CPED1: variants seen among roughly 807,000 people sequenced by gnomAD.
The protein encoded by CPED1 is cadherin like and PC-esterase domain containing 1.
CPED1 carries 114 observed loss-of-function variants against 128.2 expected under a neutral mutation model. The ratio of observed to expected loss-of-function variants is 0.89; its 90% CI spans 0.76 to 1.04. The LOEUF is 1.04. Among genes scored for constraint, CPED1 ranks in the 50% least tolerant of loss-of-function variants. CPED1 has a pLI of 0.00. For missense variants in CPED1, 1,211 were observed against 1,207.1 expected (o/e 1.00, Z -0.05); for synonymous variants, 462 against 426.7 (o/e 1.08, Z -1.02).
intron 14 of CPED1, 95 bp downstream of exon 14, chr7:121,136,185 T>G: frequency 8.6e-7 from 1 of 1,168,520 alleles, no homozygotes; most frequent in Non-Finnish European, 1.2e-6. Flanking sequence ...TATGTGGGTA[T>G]CTTACGCTGA....
chr7:121,227,841 T>C (rs929630150), intron 16 of CPED1, among the ~76,000 whole-genome samples: 1 of 152,206 alleles, frequency 6.6e-6, no homozygotes, highest in East Asian at 1.9e-4. Flanking sequence ...CTTGAGGAGC[T>C]TGACAAATCT....
intron 3 of CPED1, among the ~76,000 whole-genome samples, chr7:121,032,735 AAAC>A (rs1456378008): frequency 2.0e-5 from 3 of 152,256 alleles, no homozygotes; most frequent in African/African-American, 4.8e-5. Context: ...AGGAAAAAAA[AAAC>A]AACACTTCTT....
At chr7:121,140,040 A>G (rs531347691) in intron 14 of CPED1, among the ~76,000 whole-genome samples, 34 of 152,214 alleles carry the variant, frequency 2.2e-4, no homozygotes, top group Admixed American at 3.9e-4. Flanking sequence ...GTTTATTCTA[A>G]ACATTAACAT....
chr7:121,227,792 A>G (rs992455485), intron 16 of CPED1, among the ~76,000 whole-genome samples: 2 of 152,102 alleles, frequency 1.3e-5, no homozygotes, highest in African/African-American at 4.8e-5. Context: ...TGCTTTAAAA[A>G]TACATCTATT....
chr7:121,067,162 G>A (rs1009331100), intron 5 of CPED1, among the ~76,000 whole-genome samples: 4 of 151,896 alleles, frequency 2.6e-5, no homozygotes, highest in Non-Finnish European at 4.4e-5. Flanking sequence ...TGTGCACAAC[G>A]TGCAGGTTTG....
intron 7 of CPED1, among the ~76,000 whole-genome samples, chr7:121,102,137 T>A (rs886624786): frequency 5.9e-5 from 9 of 152,340 alleles, no homozygotes; most frequent in Admixed American, 4.6e-4. Context: ...CTCTTTGTTC[T>A]TTTTAATGAC....
chr7:121,194,022 C>CTATATATATA (rs1231718616), intron 16 of CPED1, among the ~76,000 whole-genome samples: 8 of 74,746 alleles, frequency 1.1e-4, no homozygotes, highest in Non-Finnish European at 1.9e-4. Flanking sequence ...CTCTCTCTCT[C>CTATATATATA]TATATATATA....
intron 22 of CPED1, among the ~76,000 whole-genome samples, chr7:121,282,900 C>T (rs1400929423): frequency 6.6e-5 from 10 of 152,080 alleles, no homozygotes; most frequent in Admixed American, 6.6e-4. Flanking sequence ...CATGTGTTTC[C>T]TGACACAGAC....
chr7:121,024,917 C>T (rs1562995832), intron 3 of CPED1, among the ~76,000 whole-genome samples: 2 of 152,150 alleles, frequency 1.3e-5, no homozygotes, highest in Non-Finnish European at 2.9e-5. Flanking sequence ...ACTCCAGGTA[C>T]AGGGTGTTTG....
intron 22 of CPED1, among the ~76,000 whole-genome samples, chr7:121,275,336 T>G (rs1792309362): frequency 6.6e-6 from 1 of 152,108 alleles, no homozygotes; most frequent in African/African-American, 2.4e-5. Context: ...TTCCTGCTGA[T>G]TAGAAAAGCA....
At chr7:121,072,875 A>G (rs2192290) in intron 5 of CPED1, among the ~76,000 whole-genome samples, 67,263 of 152,032 alleles carry the variant, frequency 0.44, 15,294 homozygotes, top group East Asian at 0.61. Flanking sequence ...ACATTGACTC[A>G]AGAGTATCTT....
At chr7:120,991,436 G>GT (rs1189371949) in intron 2 of CPED1, among the ~76,000 whole-genome samples, 1 of 152,116 alleles carries the variant, frequency 6.6e-6, no homozygotes, top group Non-Finnish European at 1.5e-5. Context: ...AACTGTGACT[G>GT]TTAAAGTCAT....
At chr7:121,122,035 A>C (rs1234523308) in intron 7 of CPED1, among the ~76,000 whole-genome samples, 4 of 152,130 alleles carry the variant, frequency 2.6e-5, no homozygotes, top group Admixed American at 6.6e-5. Flanking sequence ...ATTTTTTAAA[A>C]ATTCATATGA....
At chr7:121,286,669 A>T (rs1205610534) in intron 22 of CPED1, among the ~76,000 whole-genome samples, 3 of 152,188 alleles carry the variant, frequency 2.0e-5, no homozygotes, top group Non-Finnish European at 4.4e-5. Flanking sequence ...GGATGGCAGC[A>T]TTGGAGAGAT....
chr7:121,031,764 C>T (rs1342057568), intron 3 of CPED1, among the ~76,000 whole-genome samples: 2 of 152,070 alleles, frequency 1.3e-5, no homozygotes, highest in Non-Finnish European at 2.9e-5. Context: ...TTTTGATTTT[C>T]ACATCAGTTG....
intron 21 of CPED1, among the ~76,000 whole-genome samples, chr7:121,270,636 G>A (rs534696517): frequency 6.6e-6 from 1 of 151,716 alleles, no homozygotes; most frequent in Non-Finnish European, 1.5e-5. Context: ...TTTATTGAGG[G>A]TCCTTTTCCC....
rs577966013 is a variant in CPED1 at position 121,056,705 on chromosome 7, T to A, written c.541-7533T>A. Among the ~76,000 whole-genome samples the A allele has an allele frequency of 1.8e-4, 27 of 152,334 alleles. No individual in the cohort carries two copies. The South Asian group carries it at 4.1e-3, about 23-fold the overall frequency. On this transcript the variant is annotated intron_variant, in intron 4 of 22. Coordinates refer to ENST00000310396, the MANE Select transcript of CPED1 (RefSeq NM_024913.5). The stretch of plus-strand genomic sequence containing the variant: ...TCTCCATTCCCTTTCCTCTTTTTAC[T>A]TTCTGGAACTTCTATTTGTCATGGG...
chr7:121,268,888 T>C (rs1328237379), intron 21 of CPED1, among the ~76,000 whole-genome samples: 1 of 152,012 alleles, frequency 6.6e-6, no homozygotes, highest in Non-Finnish European at 1.5e-5. Flanking sequence ...TAGACTGGGT[T>C]GGCTGCTCCT....
chr7:121,045,466 G>A (rs1192922123), intron 3 of CPED1, among the ~76,000 whole-genome samples: 1 of 152,136 alleles, frequency 6.6e-6, no homozygotes, highest in Non-Finnish European at 1.5e-5. Context: ...TTGATTGGTG[G>A]GGAGTGAAAT....
Sources: allele counts gnomAD v4.1 joint callset (sites outside exome capture counted in the v4.1 genomes callset), GRCh38; gene constraint gnomAD v4.1.1; transcripts MANE v1.5; gene names NCBI Gene and HGNC (gene_info 2026-07-23, HGNC 2026-07-21).